The following SPMAP2L variants were observed in gnomAD, a reference collection of about 807,000 sequenced individuals.
The protein encoded by SPMAP2L is sperm microtubule associated protein 2 like, also known as sperm microtubule associated protein 2-like.
the SPMAP2L span, among the ~76,000 whole-genome samples, chr4:56,586,248 G>A: frequency 6.6e-6 from 1 of 152,078 alleles, no homozygotes; most frequent in East Asian, 1.9e-4. Context: ...TCACAGTTCT[G>A]AAGCCTGGGA....
At chr4:56,579,396 G>A in the SPMAP2L span, among the ~76,000 whole-genome samples, 4,590 of 151,906 alleles carry the variant, frequency 0.03, 203 homozygotes, top group African/African-American at 0.094. Context: ...GAATAAAACT[G>A]AAAACATAAC....
the SPMAP2L span, among the ~76,000 whole-genome samples, chr4:56,605,698 T>A: frequency 0.012 from 1,824 of 152,212 alleles, 36 homozygotes; most frequent in African/African-American, 0.041. Flanking sequence ...CAACCCCCTT[T>A]CGTGAGGAGT....
At chr4:56,560,675 G>T in the SPMAP2L span, among the ~76,000 whole-genome samples, 1 of 151,926 alleles carries the variant, frequency 6.6e-6, no homozygotes, top group Non-Finnish European at 1.5e-5. Context: ...CAGTCCTTCT[G>T]CCTTAGCCTT....
chr4:56,560,141 C>G, the SPMAP2L span, among the ~76,000 whole-genome samples: 2 of 152,146 alleles, frequency 1.3e-5, no homozygotes, highest in Non-Finnish European at 2.9e-5. Context: ...TTCAAGATAT[C>G]TTTGAAGAAT....
the SPMAP2L span, among the ~76,000 whole-genome samples, chr4:56,614,379 G>A: frequency 1.3e-5 from 2 of 152,156 alleles, no homozygotes; most frequent in African/African-American, 2.4e-5. Flanking sequence ...TCTTGGCCGG[G>A]TGTGGTGGCT....
At chr4:56,613,219 G>A in the SPMAP2L span, among the ~76,000 whole-genome samples, 275 of 152,224 alleles carry the variant, frequency 1.8e-3, 1 homozygote, top group African/African-American at 6.4e-3. Context: ...TATAGTTTGC[G>A]TTGCTTTTTG....
At chr4:56,603,999 T>A in the SPMAP2L span, among the ~76,000 whole-genome samples, 3 of 152,204 alleles carry the variant, frequency 2.0e-5, no homozygotes, top group Non-Finnish European at 2.9e-5. Flanking sequence ...GCCCAGAATT[T>A]TATTCTCTCT....
At chr4:56,607,420 T>C in the SPMAP2L span, among the ~76,000 whole-genome samples, 2 of 152,210 alleles carry the variant, frequency 1.3e-5, no homozygotes, top group Non-Finnish European at 2.9e-5. Flanking sequence ...AGCCAGTGTT[T>C]GGTGTTTTGT....
chr4:56,531,178 TC>T, the SPMAP2L span: 1 of 1,516,984 alleles, frequency 6.6e-7, no homozygotes, highest in Non-Finnish European at 8.8e-7. Context: ...TGGTAGGTGT[TC>T]CCCTTCCCTC....
chr4:56,575,840 T>C, the SPMAP2L span, among the ~76,000 whole-genome samples: 1 of 152,202 alleles, frequency 6.6e-6, no homozygotes, highest in African/African-American at 2.4e-5. Flanking sequence ...TTGACTCACA[T>C]TGTGGTGAAA....
the SPMAP2L span, among the ~76,000 whole-genome samples, chr4:56,572,099 C>T: frequency 1.6e-4 from 25 of 151,882 alleles, no homozygotes; most frequent in African/African-American, 5.6e-4. Context: ...TACATAAACC[C>T]GTAACATGTA....
chr4:56,544,150 G>A, the SPMAP2L span, among the ~76,000 whole-genome samples: 2 of 151,894 alleles, frequency 1.3e-5, no homozygotes, highest in East Asian at 3.9e-4. Flanking sequence ...CACCACGCCC[G>A]GCTAATATTT....
At chr4:56,572,122 A>G in the SPMAP2L span, among the ~76,000 whole-genome samples, 3 of 152,224 alleles carry the variant, frequency 2.0e-5, no homozygotes, top group South Asian at 6.2e-4. Context: ...AAATACATAA[A>G]CCAGTAGCAT....
At chr4:56,621,159 AC>A in the SPMAP2L span, among the ~76,000 whole-genome samples, 3 of 152,226 alleles carry the variant, frequency 2.0e-5, no homozygotes, top group Admixed American at 6.5e-5. Flanking sequence ...TTATTACTGT[AC>A]TATTAATTTA....
At chr4:56,595,612 T>C in the SPMAP2L span, 3 of 1,281,936 alleles carry the variant, frequency 2.3e-6, no homozygotes, top group South Asian at 2.4e-5. Flanking sequence ...TTCTGGCCAG[T>C]GATTGCCCGG....
chr4:56,556,797 C>T, the SPMAP2L span, among the ~76,000 whole-genome samples: 1 of 151,902 alleles, frequency 6.6e-6, no homozygotes, highest in African/African-American at 2.4e-5. Context: ...ATTGCTTGAA[C>T]CTGGGAGGTG....
the SPMAP2L span, chr4:56,575,703 T>C: frequency 6.7e-7 from 1 of 1,483,088 alleles, no homozygotes; most frequent in Non-Finnish European, 9.0e-7. Flanking sequence ...TCTTAGTATT[T>C]TTGTTCTAAT....
chr4:56,590,505 T>C, the SPMAP2L span, among the ~76,000 whole-genome samples: 1 of 152,240 alleles, frequency 6.6e-6, no homozygotes, highest in East Asian at 1.9e-4. Context: ...ACTAGCACTT[T>C]TCAAGTTGTA....
the SPMAP2L span, chr4:56,593,094 C>A: frequency 2.5e-6 from 4 of 1,578,522 alleles, no homozygotes; most frequent in East Asian, 2.2e-5. Flanking sequence ...GTGCCACAGA[C>A]GATTTTGCGG....
Sources: allele counts gnomAD v4.1 joint callset (sites outside exome capture counted in the v4.1 genomes callset), GRCh38; gene constraint gnomAD v4.1.1; transcripts MANE v1.5; gene names NCBI Gene and HGNC (gene_info 2026-07-23, HGNC 2026-07-21).